Variants in FUT8 observed in about 807,000 individuals in gnomAD.
FUT8 encodes the protein alpha-(1,6)-fucosyltransferase.
A neutral mutation model predicts 71.3 loss-of-function variants in FUT8; 29 were observed. The observed-to-expected ratio is 0.41, with a 90% confidence interval of 0.30 to 0.55. The LOEUF is 0.55. FUT8 is among the 20% of genes least tolerant of loss of function. The pLI, the probability that FUT8 is intolerant of heterozygous loss-of-function variation, is 0.34. For missense variants in FUT8, 544 were observed against 702.1 expected (o/e 0.77, Z 2.55); for synonymous variants, 254 against 239.3 (o/e 1.06, Z -0.57).
At chr14:65,359,871 G>A in the FUT8 span, among the ~76,000 whole-genome samples, 1 of 151,998 alleles carries the variant, frequency 6.6e-6, no homozygotes, top group East Asian at 1.9e-4. Context: ...TATCACCCAG[G>A]CTGGAGTGCA....
intron 2 of FUT8, among the ~76,000 whole-genome samples, chr14:65,543,362 T>C (rs1179103976): frequency 4.6e-5 from 7 of 152,172 alleles, no homozygotes. Context: ...TAAATAAATA[T>C]AAATTTGGAT....
chr14:65,474,888 C>T lies in FUT8; in HGVS notation c.-228+19170C>T, dbSNP rs75584209. On this transcript the variant is annotated intron_variant, in intron 2 of 10. Transcript: ENST00000673929. ...AGATTTATTGTTTATTTTTATTTTG[C>T]TGTATTGCCAGGCTGGTCTGGAACT... Among the ~76,000 whole-genome samples, 870 of 152,220 alleles carry T rather than the reference C, an allele frequency of 5.7e-3. 31 individuals carry two copies. In the East Asian group the frequency reaches 0.092, roughly 16 times the overall value.
At chr14:65,419,139 A>C (rs966087149) in intron 1 of FUT8, among the ~76,000 whole-genome samples, 56 of 152,126 alleles carry the variant, frequency 3.7e-4, no homozygotes, top group African/African-American at 1.2e-3. Context: ...GAGGCAGGAG[A>C]ATCACTTGAA....
the FUT8 span, among the ~76,000 whole-genome samples, chr14:65,374,285 A>G: frequency 6.6e-6 from 1 of 152,214 alleles, no homozygotes; most frequent in Admixed American, 6.5e-5. Context: ...CTGGACAATA[A>G]TGATTTTCCA....
chr14:65,394,554 A>C, the FUT8 span, among the ~76,000 whole-genome samples: 15 of 152,320 alleles, frequency 9.8e-5, no homozygotes, highest in South Asian at 3.1e-3. Flanking sequence ...AAAAGTTTAC[A>C]GTTCAAAGTC....
At chr14:65,568,238 C>T (rs1454512705) in intron 3 of FUT8, among the ~76,000 whole-genome samples, 1 of 151,588 alleles carries the variant, frequency 6.6e-6, no homozygotes, top group Non-Finnish European at 1.5e-5. Flanking sequence ...TTTTCTTCTC[C>T]ATACTTGTAT....
At chr14:65,519,233 CTG>C (rs1245664186) in intron 2 of FUT8, among the ~76,000 whole-genome samples, 4 of 152,038 alleles carry the variant, frequency 2.6e-5, no homozygotes, top group African/African-American at 9.7e-5. Flanking sequence ...TGGAAACAAA[CTG>C]TTTATTAATA....
At position 65,719,516 on chromosome 14, in the gene FUT8, G is replaced by T. The variant is rs75685548; in HGVS notation, c.836-2259G>T. Among the ~76,000 whole-genome samples the T allele has an allele frequency of 4.6e-5, 7 of 152,064 alleles. No individual in the cohort carries two copies. The East Asian group carries it at 1.2e-3, about 25-fold the overall frequency. On this transcript the variant is annotated intron_variant, in intron 7 of 10. Coordinates refer to ENST00000673929, the MANE Select transcript of FUT8 (RefSeq NM_001371533.1). ...TCCTGGATGGTCTTGATGCTTGTGG[G>T]TGTTCATTGGTGTCTGGGCATTGAA...
intron 7 of FUT8, among the ~76,000 whole-genome samples, chr14:65,685,597 A>G (rs1332202893): frequency 6.6e-6 from 1 of 152,236 alleles, no homozygotes; most frequent in Admixed American, 6.5e-5. Context: ...GCTACTCCAT[A>G]CGCAGAGCAG....
the FUT8 span, among the ~76,000 whole-genome samples, chr14:65,366,000 G>T: frequency 5.9e-5 from 9 of 152,090 alleles, no homozygotes; most frequent in Non-Finnish European, 7.4e-5. Flanking sequence ...ACCATGCCCA[G>T]ATAGTTTTTG....
chr14:65,645,185 G>A (rs1032450312), intron 6 of FUT8, among the ~76,000 whole-genome samples: 8 of 152,112 alleles, frequency 5.3e-5, no homozygotes, highest in African/African-American at 7.2e-5. Context: ...ATTCTAGTTG[G>A]TAAATTCACA....
At chr14:65,688,271 C>T (rs1212163366) in intron 7 of FUT8, among the ~76,000 whole-genome samples, 1 of 152,110 alleles carries the variant, frequency 6.6e-6, no homozygotes, top group Non-Finnish European at 1.5e-5. Flanking sequence ...TGCCCCTTAA[C>T]CCCTGGCAAA....
chr14:65,700,168 A>T (rs986902595), intron 7 of FUT8, among the ~76,000 whole-genome samples: 1 of 152,148 alleles, frequency 6.6e-6, no homozygotes, highest in African/African-American at 2.4e-5. Flanking sequence ...GATTCATTCC[A>T]TTCACTACTC....
At position 65,467,093 on chromosome 14, in the gene FUT8, A is replaced by T. The variant is rs1254920364; in HGVS notation, c.-228+11375A>T. On this transcript the variant is annotated intron_variant, in intron 2 of 10. Transcript: ENST00000673929. The surrounding 1 kb of genome is among the most constrained non-coding windows in gnomAD (Gnocchi z 4.1). ...CACTCTTCCTTTCTTTTTGTAATCC[A>T]TATTTCTGATCTATATAATTTTCCT... Among the ~76,000 whole-genome samples, 1 of 151,952 alleles carries T rather than the reference A, an allele frequency of 6.6e-6. No individual in the cohort carries two copies. Among genetic ancestry groups the T allele is most frequent in the African/African-American group, 2.4e-5 (1 of 41,366 alleles).
chr14:65,618,000 A>C (rs1889372984), intron 5 of FUT8, among the ~76,000 whole-genome samples: 2 of 135,320 alleles, frequency 1.5e-5, no homozygotes, highest in African/African-American at 5.4e-5. Context: ...AGTGTTTTTA[A>C]AAATTAATTC....
At chr14:65,611,775 C>T (rs1009089147) in intron 3 of FUT8, among the ~76,000 whole-genome samples, 3 of 152,112 alleles carry the variant, frequency 2.0e-5, no homozygotes, top group African/African-American at 7.2e-5. Context: ...GTTCTCCTGC[C>T]TCAGCCTCCT....
chr14:65,634,373 G>C (rs545359755), intron 6 of FUT8, among the ~76,000 whole-genome samples: 11 of 152,022 alleles, frequency 7.2e-5, no homozygotes, highest in South Asian at 4.2e-4. Context: ...CAACATGCTC[G>C]TTAAGAGTCA....
At chr14:65,447,601 T>G (rs1019183552) in intron 1 of FUT8, among the ~76,000 whole-genome samples, 2 of 152,070 alleles carry the variant, frequency 1.3e-5, no homozygotes, top group African/African-American at 4.8e-5. Context: ...TTTTTTCAAA[T>G]GGTATCTTGT....
rs184944516 is a variant in FUT8, at chr14:65,521,757, A to C, written c.-227-39580A>C. Among the ~76,000 whole-genome samples, 195 of 152,302 alleles carry C rather than the reference A, an allele frequency of 1.3e-3. 1 individual carries two copies. The highest frequency in any genetic ancestry group is 4.5e-3 in the African/African-American group (186 of 41,560). On this transcript the variant is annotated intron_variant, in intron 2 of 10. Coordinates refer to ENST00000673929, the MANE Select transcript of FUT8 (RefSeq NM_001371533.1). ...CTGGTACATTCTAAGATATGCTGAAATTGAGATTTACTTGTCTTGCTTATT... is the reference window on the plus strand; with the variant it reads ...CTGGTACATTCTAAGATATGCTGAACTTGAGATTTACTTGTCTTGCTTATT...
Sources: gnomAD v4.1 joint callset for allele counts (sites outside exome capture counted in the v4.1 genomes callset) on GRCh38, gnomAD v4.1.1 for gene constraint, Gnocchi (gnomAD v3.1) non-coding constraint, MANE v1.5 for transcripts, NCBI Gene and HGNC (gene_info 2026-07-23, HGNC 2026-07-21) for gene names.